PRRG4: variants seen among roughly 807,000 people sequenced by gnomAD.
PRRG4 encodes transmembrane gamma-carboxyglutamic acid protein 4.
PRRG4 carries 12 observed loss-of-function variants against 20.0 expected under a neutral mutation model. The observed-to-expected ratio is 0.60, with a 90% CI of 0.38 to 0.97. The LOEUF (loss-of-function observed/expected upper bound fraction) is 0.97. Ranked by LOEUF, PRRG4 falls within the 50% of genes least tolerant of loss-of-function variation. PRRG4 has a pLI of 0.00. For missense variants in PRRG4, 199 were observed against 265.1 expected, an observed-to-expected ratio of 0.75 and a Z score of 1.73; for synonymous variants, 94 against 96.4, an observed-to-expected ratio of 0.98 and a Z score of 0.15.
rs2133443539 is a variant in PRRG4 at position 32,840,962 on chromosome 11, A to G, written c.449+723A>G. Among the ~76,000 whole-genome samples, 1 of 152,278 alleles carries G rather than the reference A, an allele frequency of 6.6e-6. No individual in the cohort carries two copies. The highest frequency in any genetic ancestry group is 2.1e-4 in the South Asian group (1 of 4,828). On this transcript the variant is annotated intron_variant, in intron 5 of 5. Transcript: ENST00000257836. This position sits in a 1 kb window ranked among gnomAD's most constrained non-coding sequence, Gnocchi z 4.1. Reference sequence around the variant, plus strand: ...TTGATAAAGCTTCAGAAAGATTCATAAAGGCCATAATTGTTTGCATAATAG... The same window carrying G: ...TTGATAAAGCTTCAGAAAGATTCATGAAGGCCATAATTGTTTGCATAATAG...
Position 32,853,859 on chromosome 11 carries a change from G to A in PRRG4, c.*332G>A. On this transcript the variant is annotated 3_prime_UTR_variant, in exon 6 of 6. Transcript: ENST00000257836. ...AAAATAAAAAAAGAAAGAAAGAAAA[G>A]AAGAAGAAAAGAGAAGAAGGAGAAG... 8 of 178,484 alleles carry A rather than the reference G, an allele frequency of 4.5e-5. No homozygotes were observed. Among genetic ancestry groups the A allele is most frequent in the South Asian group, 2.5e-4 (2 of 8,028 alleles). The allele number at this position is 178,484 out of a possible 1,614,324, so 11.1% of individuals were successfully genotyped here.
chr11:32,838,263 C>T (rs1200656674), intron 3 of PRRG4, among the ~76,000 whole-genome samples: 1 of 151,992 alleles, frequency 6.6e-6, no homozygotes, highest in African/African-American at 2.4e-5. Flanking sequence ...TCAAGACCAG[C>T]CTGGGCTTCA....
intron 5 of PRRG4, among the ~76,000 whole-genome samples, chr11:32,841,070 T>TA (rs200004639): frequency 0.23 from 32,196 of 141,182 alleles, 3,723 homozygotes; most frequent in East Asian, 0.55. Context: ...ACAATCTTAT[T>TA]AAAAAAAAAA....
chr11:32,846,249 A>G (rs1267978721), intron 5 of PRRG4, among the ~76,000 whole-genome samples: 1 of 152,168 alleles, frequency 6.6e-6, no homozygotes, highest in African/African-American at 2.4e-5. Context: ...GCCTCAGGCA[A>G]TCTTCCTGCC....
intron 4 of PRRG4, among the ~76,000 whole-genome samples, 189 bp from the exon 5 acceptor site, chr11:32,839,918 T>C (rs1034566423): frequency 5.4e-5 from 8 of 149,364 alleles, no homozygotes; most frequent in Non-Finnish European, 1.2e-4. Flanking sequence ...AGAATAACCA[T>C]AACTAGGGCT....
At chr11:32,838,217 G>T (rs759705532) in intron 3 of PRRG4, among the ~76,000 whole-genome samples, 1 of 152,050 alleles carries the variant, frequency 6.6e-6, no homozygotes, top group East Asian at 1.9e-4. Flanking sequence ...AGCACTTTGC[G>T]GGGCAGAGGT....
intron 5 of PRRG4, among the ~76,000 whole-genome samples, chr11:32,844,029 C>A (rs1022513315): frequency 4.6e-5 from 7 of 152,130 alleles, no homozygotes; most frequent in African/African-American, 1.7e-4. Context: ...TGATTCCTTT[C>A]TAAAATACAT....
chr11:32,851,032 C>A (rs1402495516), intron 5 of PRRG4, among the ~76,000 whole-genome samples: 1 of 152,092 alleles, frequency 6.6e-6, no homozygotes, highest in Non-Finnish European at 1.5e-5. Context: ...GAGATTGTGC[C>A]ATTGCACTCC....
intron 5 of PRRG4, among the ~76,000 whole-genome samples, chr11:32,847,002 A>AT (rs1851136983): frequency 6.6e-6 from 1 of 151,732 alleles, no homozygotes; most frequent in Non-Finnish European, 1.5e-5. Context: ...GTCTCAAAAA[A>AT]AAAAATAAAG....
At chr11:32,831,439 G>C (rs950283106) in intron 2 of PRRG4, among the ~76,000 whole-genome samples, 2 of 152,084 alleles carry the variant, frequency 1.3e-5, no homozygotes, top group East Asian at 3.9e-4. Flanking sequence ...TGTTACACTA[G>C]TACTCCTAAC....
intron 4 of PRRG4, among the ~76,000 whole-genome samples, chr11:32,839,356 T>C (rs994275103): frequency 1.3e-5 from 2 of 152,212 alleles, no homozygotes; most frequent in Non-Finnish European, 2.9e-5. Flanking sequence ...TTATCTCATC[T>C]GTATTGATCA....
At chr11:32,845,700 T>C (rs1349287569) in intron 5 of PRRG4, among the ~76,000 whole-genome samples, 1 of 151,420 alleles carries the variant, frequency 6.6e-6, no homozygotes, top group African/African-American at 2.4e-5. Flanking sequence ...ACCATCAGTG[T>C]GGGATACAAC....
rs768064094 is a variant in PRRG4, at chr11:32,830,636, A to G, written c.103+4A>G. ...TCTAAGCATGCGGGAGAAGAAGGTA[A>G]GCACTAAAACGTCCCTGGAACCCAG... On this transcript the variant is annotated splice_donor_region_variant and intron_variant, in intron 2 of 5. Coordinates refer to ENST00000257836, the MANE Select transcript of PRRG4 (RefSeq NM_024081.6). 2 of 1,613,994 alleles carry G rather than the reference A, an allele frequency of 1.2e-6. No homozygotes were observed. The highest frequency in any genetic ancestry group is 3.3e-5 in the Admixed American group (2 of 60,018).
intron 5 of PRRG4, among the ~76,000 whole-genome samples, chr11:32,849,263 G>T (rs1851159441): frequency 6.6e-6 from 1 of 152,138 alleles, no homozygotes; most frequent in Non-Finnish European, 1.5e-5. Flanking sequence ...GGAAGGCTGA[G>T]GTGCGAGAAT....
At position 32,858,048 on chromosome 11, in the gene PRRG4, CTA is replaced by C. The variant is rs1227258160; in HGVS notation, c.*4523_*4524del. ...AATTCATATTTTTCCTAAAACTTTA[CTA>C]TGTTTTTATTTTAAGAGGTTTCCTG... On this transcript the variant is annotated 3_prime_UTR_variant, in exon 6 of 6. Transcript: ENST00000257836. 3 of 151,994 alleles carry C rather than the reference CTA, an allele frequency of 2.0e-5. No individual in the cohort carries two copies. Among genetic ancestry groups the C allele is most frequent in the African/African-American group, 7.2e-5 (3 of 41,380 alleles). 9.4% of individuals were successfully genotyped at this position (151,994 alleles called of 1,614,324 possible).
Position 32,830,590 on chromosome 11 carries a change from T to C in PRRG4, c.61T>C (p.Cys21Arg). ...CACAGTTACCCTGGGGTTTCCTCAT[T>C]GCGCAAGAGGTCCAAAGGCTTCTAA... Reference protein sequence around the residue: ...LPTVTLGFPHCARGPKASKHA... With the variant: ...LPTVTLGFPHRARGPKASKHA... The change falls in exon 2 of 6, where the codon TGC becomes CGC. Residue 21 changes from cysteine (C) to arginine (R), a missense_variant. Cys to Arg is a radical substitution (Grantham distance 180). Transcript: ENST00000257836. 6.2e-7 allele frequency: 1 copy of C among 1,612,768 alleles called. No individual in the cohort carries two copies. The highest frequency in any genetic ancestry group is 8.5e-7 in the Non-Finnish European group (1 of 1,179,562).
chr11:32,833,589 C>T (rs933048297), intron 2 of PRRG4, among the ~76,000 whole-genome samples: 1 of 152,192 alleles, frequency 6.6e-6, no homozygotes, highest in African/African-American at 2.4e-5. Context: ...CTATGGGTTG[C>T]TTAATCAATA....
Position 32,830,083 on chromosome 11 carries a change from C to T in PRRG4, c.-113C>T. On this transcript the variant is annotated 5_prime_UTR_variant, in exon 1 of 6. Coordinates refer to ENST00000257836, the MANE Select transcript of PRRG4 (RefSeq NM_024081.6). Reference sequence around the variant, plus strand: ...CCGGAGCGTCGCCGAGGTTTGAGGGCGCCGGAGACCGAGGGCCTGGCGGCC... The same window carrying T: ...CCGGAGCGTCGCCGAGGTTTGAGGGTGCCGGAGACCGAGGGCCTGGCGGCC... The T allele has an allele frequency of 1.0e-6, 1 of 989,752 alleles. No homozygotes were observed. The highest frequency in any genetic ancestry group is 4.7e-5 in the South Asian group (1 of 21,398). 61.3% of individuals were successfully genotyped at this position (989,752 alleles called of 1,614,324 possible). A position where few individuals can be genotyped will look rare whatever the true frequency, so the allele number is the denominator to read the frequency against.
Position 32,840,245 on chromosome 11 carries a change from T to G in PRRG4, c.449+6T>G. 6.3e-7 allele frequency: 1 copy of G among 1,576,566 alleles called. No homozygotes were observed. The highest frequency in any genetic ancestry group is 8.7e-7 in the Non-Finnish European group (1 of 1,151,030). On this transcript the variant is annotated splice_donor_region_variant and intron_variant, in intron 5 of 5. Transcript: ENST00000257836. The surrounding 1 kb of genome is among the most constrained non-coding windows in gnomAD (Gnocchi z 4.1). ...AATAGGCTACAACATCCATGGTAAGTACTAAGTGAAATTATTTAATTCATC... is the reference window on the plus strand; with the variant it reads ...AATAGGCTACAACATCCATGGTAAGGACTAAGTGAAATTATTTAATTCATC...
Sources: allele counts gnomAD v4.1 joint callset (sites outside exome capture counted in the v4.1 genomes callset), GRCh38; gene constraint gnomAD v4.1.1; non-coding constraint Gnocchi (gnomAD v3.1); transcripts MANE v1.5; gene names NCBI Gene and HGNC (gene_info 2026-07-23, HGNC 2026-07-21).